The following ADAM18 variants were observed in gnomAD, a reference collection of about 807,000 sequenced individuals.
The protein encoded by ADAM18 is ADAM metallopeptidase domain 18.
In ADAM18, 117 loss-of-function variants were observed where a neutral mutation model predicts 94.4. The ratio of observed to expected loss-of-function variants is 1.24; its 90% CI spans 1.07 to 1.45. The LOEUF is 1.45. Among genes scored for constraint, ADAM18 ranks in the 40% most tolerant of loss-of-function variants. The probability of loss-of-function intolerance (pLI) is 0.00; values close to 1 mark genes in which losing one functional copy is unlikely to be tolerated. For synonymous variants in ADAM18, 327 were observed against 291.6 expected, an observed-to-expected ratio of 1.12 and a Z score of -1.24; for missense variants, 936 against 880.0, an observed-to-expected ratio of 1.06 and a Z score of -0.81.
chr8:39,641,350 G>T (rs1253136225), intron 10 of ADAM18, among the ~76,000 whole-genome samples: 1 of 151,918 alleles, frequency 6.6e-6, no homozygotes, highest in Non-Finnish European at 1.5e-5. Context: ...CTATTGGTTT[G>T]TGCGTCTGTT....
intron 14 of ADAM18, among the ~76,000 whole-genome samples, chr8:39,674,130 C>G (rs748867703): frequency 5.3e-5 from 8 of 152,088 alleles, no homozygotes; most frequent in Admixed American, 5.2e-4. Flanking sequence ...CTGTAGATGT[C>G]TATTAGTCCT....
At chr8:39,697,551 GA>G (rs1821957868) in intron 17 of ADAM18, among the ~76,000 whole-genome samples, 1 of 151,568 alleles carries the variant, frequency 6.6e-6, no homozygotes, top group Non-Finnish European at 1.5e-5. Context: ...TTAAACATCA[GA>G]AACACAATAA....
At chr8:39,652,503 A>G (rs1247494726) in intron 12 of ADAM18, among the ~76,000 whole-genome samples, 1 of 152,228 alleles carries the variant, frequency 6.6e-6, no homozygotes, top group African/African-American at 2.4e-5. Context: ...ATATTACCTC[A>G]CACCTGTCAG....
intron 6 of ADAM18, among the ~76,000 whole-genome samples, chr8:39,624,308 C>G (rs1479826381): frequency 6.6e-6 from 1 of 152,150 alleles, no homozygotes; most frequent in Admixed American, 6.5e-5. Context: ...TTTGATCCAT[C>G]TTGAGTTGAT....
At chr8:39,690,782 G>A (rs1275403446) in intron 16 of ADAM18, among the ~76,000 whole-genome samples, 3 of 152,168 alleles carry the variant, frequency 2.0e-5, no homozygotes, top group African/African-American at 7.2e-5. Context: ...TTCAGCCACT[G>A]TGAAAAGCAG....
At chr8:39,629,802 T>G (rs1297398962) in intron 7 of ADAM18, among the ~76,000 whole-genome samples, 1 of 151,966 alleles carries the variant, frequency 6.6e-6, no homozygotes, top group Non-Finnish European at 1.5e-5. Flanking sequence ...ATATTTTATT[T>G]TAGGGGTGTT....
intron 15 of ADAM18, among the ~76,000 whole-genome samples, chr8:39,677,830 A>G (rs1355031863): frequency 6.6e-6 from 1 of 152,194 alleles, no homozygotes; most frequent in Non-Finnish European, 1.5e-5. Flanking sequence ...GAAGTTTTGT[A>G]TTAAGTCTAT....
intron 2 of ADAM18, among the ~76,000 whole-genome samples, chr8:39,602,888 A>G (rs950745382): frequency 6.6e-6 from 1 of 152,124 alleles, no homozygotes; most frequent in Non-Finnish European, 1.5e-5. Context: ...CACCAGGAAT[A>G]CAGAGGTTTT....
Position 39,663,862 on chromosome 8 carries a change from C to G in ADAM18, c.1298C>G (p.Ser433Cys), listed in dbSNP as rs749811927. 2 of 1,612,032 alleles carry G rather than the reference C, an allele frequency of 1.2e-6. No individual in the cohort carries two copies. The highest frequency in any genetic ancestry group is 4.5e-5 in the East Asian group (2 of 44,754). The change falls in exon 13 of 20, where the codon TCT becomes TGT. Residue 433 changes from serine to cysteine, a missense_variant. Physicochemically the swap from Ser to Cys is moderately radical, Grantham distance 112. Transcript: ENST00000265707. ...CTGAAGGGCTCAGTAAAATGTGGTT[C>G]TGGACCATGTTGTACATCAAAGTGT... is the stretch of plus-strand genomic sequence containing the variant. The part of the protein sequence containing the change: ...CKLKGSVKCG[S>C]GPCCTSKCEL...
At chr8:39,584,967 A>G (rs1206923637) in intron 1 of ADAM18, among the ~76,000 whole-genome samples, 1 of 152,140 alleles carries the variant, frequency 6.6e-6, no homozygotes, top group African/African-American at 2.4e-5. Context: ...GTGGTGGAGT[A>G]CTAACTGCCT....
At chr8:39,631,417 G>C (rs370618936) in intron 7 of ADAM18, among the ~76,000 whole-genome samples, 1 of 151,610 alleles carries the variant, frequency 6.6e-6, no homozygotes, top group Non-Finnish European at 1.5e-5. Flanking sequence ...ACATCCATTC[G>C]CTCCATCTCC....
intron 6 of ADAM18, among the ~76,000 whole-genome samples, chr8:39,620,736 C>A (rs1357156193): frequency 1.3e-5 from 2 of 150,914 alleles, no homozygotes; most frequent in Non-Finnish European, 3.0e-5. Context: ...AACTGGAGGC[C>A]TTTATCTTAA....
At chr8:39,590,524 A>G (rs895379174) in intron 2 of ADAM18, among the ~76,000 whole-genome samples, 1 of 152,182 alleles carries the variant, frequency 6.6e-6, no homozygotes, top group Non-Finnish European at 1.5e-5. Context: ...AGCATGGCAC[A>G]TGTATACATA....
Position 39,706,778 on chromosome 8 carries a change from T to C in ADAM18, c.1903-12T>C. The C allele has an allele frequency of 6.7e-7, 1 of 1,482,548 alleles. No individual in the cohort carries two copies. The highest frequency in any genetic ancestry group is 2.3e-5 in the East Asian group (1 of 44,212). The allele number at this position is 1,482,548 out of a possible 1,614,324, so 91.8% of individuals were successfully genotyped here. On this transcript the variant is annotated splice_polypyrimidine_tract_variant and intron_variant, in intron 17 of 19. Transcript: ENST00000265707. The stretch of plus-strand genomic sequence containing the variant: ...AGACGACTCAAACTGTTTCTGTATT[T>C]TTCTGTTTCAGATATGTAATAATTT...
chr8:39,690,260 C>A (rs1454604328), intron 16 of ADAM18, among the ~76,000 whole-genome samples: 1 of 152,028 alleles, frequency 6.6e-6, no homozygotes, highest in African/African-American at 2.4e-5. Context: ...AGGGCAGAGG[C>A]ACTCCAGCAT....
chr8:39,614,272 T>A (rs1420918780), intron 6 of ADAM18, among the ~76,000 whole-genome samples: 1 of 152,198 alleles, frequency 6.6e-6, no homozygotes, highest in Non-Finnish European at 1.5e-5. Context: ...AAGAGTAGAT[T>A]TCTCAGCAAA....
chr8:39,589,924 G>C (rs1244183251), intron 2 of ADAM18, among the ~76,000 whole-genome samples: 2 of 150,424 alleles, frequency 1.3e-5, no homozygotes, highest in South Asian at 2.1e-4. Flanking sequence ...TCATTAAAAA[G>C]TCAGGAAACA....
intron 18 of ADAM18, among the ~76,000 whole-genome samples, chr8:39,722,247 A>G (rs1295440253): frequency 2.8e-4 from 18 of 65,030 alleles, no homozygotes; most frequent in East Asian, 6.3e-4. Flanking sequence ...ATATATATAT[A>G]TATATATATA....
chr8:39,698,733 G>T (rs1384914485), intron 17 of ADAM18, among the ~76,000 whole-genome samples: 1 of 152,030 alleles, frequency 6.6e-6, no homozygotes, highest in Non-Finnish European at 1.5e-5. Flanking sequence ...CAGAAATAGT[G>T]TGGGTCTGAT....
Sources: gnomAD v4.1 joint callset for allele counts (sites outside exome capture counted in the v4.1 genomes callset) on GRCh38, gnomAD v4.1.1 for gene constraint, MANE v1.5 for transcripts, NCBI Gene and HGNC (gene_info 2026-07-23, HGNC 2026-07-21) for gene names.